The following FLII variants were observed in gnomAD, a reference collection of about 807,000 sequenced individuals.
FLII encodes the protein protein flightless-1 homolog.
In FLII, 101 loss-of-function variants were observed where a neutral mutation model predicts 156.2. That is an observed-to-expected ratio of 0.65 (90% CI 0.55 to 0.76). The LOEUF (loss-of-function observed/expected upper bound fraction) is 0.76, where lower values mean the gene tolerates loss of function less well. FLII is among the 30% of genes least tolerant of loss of function. FLII has a pLI of 0.00. For missense variants in FLII, 1,675 were observed against 1,682.8 expected, an observed-to-expected ratio of 1.00 and a Z score of 0.08; for synonymous variants, 767 against 685.8, an observed-to-expected ratio of 1.12 and a Z score of -1.85.
chr17:18,246,312 T>G lies in FLII; in HGVS notation c.3202A>C (p.Thr1068Pro), dbSNP rs1317450148. 6.2e-7 allele frequency: 1 copy of G among 1,613,708 alleles called. No homozygotes were observed. The highest frequency in any genetic ancestry group is 1.3e-5 in the African/African-American group (1 of 74,918). Reference sequence around the variant, plus strand: ...CGTCCTCCCCCAGCCAGGCACCGGGTGCAGAGGGCGCTGCCGTTGGTGCGG... The same window carrying G: ...CGTCCTCCCCCAGCCAGGCACCGGGGGCAGAGGGCGCTGCCGTTGGTGCGG... ...QIRTNGSALC[T>P]RCIQINTDSS... is the part of the protein sequence containing the mutation. The change falls in exon 24 of 30, where the codon ACC becomes CCC. Residue 1068 changes from threonine (T) to proline (P), a missense_variant. Coordinates refer to ENST00000327031, the MANE Select transcript of FLII (RefSeq NM_002018.4).
intron 4 of FLII, 111 bp from the exon 5 acceptor site, chr17:18,254,965 G>T: frequency 1.8e-6 from 2 of 1,109,838 alleles, no homozygotes; most frequent in Non-Finnish European, 2.7e-6. Flanking sequence ...AGATGAGGGG[G>T]CTTCAGGGCC....
intron 20 of FLII, 30 bp from the exon 21 acceptor site, chr17:18,247,387 G>A (rs1342195759): frequency 1.9e-6 from 3 of 1,572,882 alleles, no homozygotes; most frequent in East Asian, 2.3e-5. Context: ...CTAACCATGA[G>A]GGGTGCGGCA....
In FLII at chr17:18,258,604, C is replaced by T. The variant is rs773392933; in HGVS notation, c.63+24G>A. ...GGAAGAGAAGGCCTGCAGGGAGGCCCGGCACGCGCCCGGCCCGGCTCACCT... is the reference window on the plus strand; with the variant it reads ...GGAAGAGAAGGCCTGCAGGGAGGCCTGGCACGCGCCCGGCCCGGCTCACCT... On this transcript the variant is annotated intron_variant, in intron 1 of 29. Transcript: ENST00000327031. This position sits in a 1 kb window ranked among gnomAD's most constrained non-coding sequence, Gnocchi z 4.2. 2 of 1,547,164 alleles carry T rather than the reference C, an allele frequency of 1.3e-6. No individual in the cohort carries two copies. Among genetic ancestry groups the T allele is most frequent in the South Asian group, 1.2e-5 (1 of 84,538 alleles).
chr17:18,249,548 A>C, intron 14 of FLII, 140 bp from the exon 15 acceptor site: 1 of 677,830 alleles, frequency 1.5e-6, no homozygotes, highest in Non-Finnish European at 2.6e-6. Context: ...CCAGCACTTC[A>C]GGAGTCTGAG....
chr17:18,246,073 T>C lies in FLII; in HGVS notation c.3268-11A>G. The stretch of plus-strand genomic sequence containing the variant: ...ACTCTCAAAGGGAACCTGGGGAGTG[T>C]GCAGGGGTGGGGGTGTTCGCAGCTG... On this transcript the variant is annotated splice_polypyrimidine_tract_variant and intron_variant, in intron 25 of 29. Coordinates refer to ENST00000327031, the MANE Select transcript of FLII (RefSeq NM_002018.4). The C allele has an allele frequency of 6.2e-7, 1 of 1,614,048 alleles. No homozygotes were observed. The highest frequency in any genetic ancestry group is 8.5e-7 in the Non-Finnish European group (1 of 1,179,994).
intron 7 of FLII, 158 bp from the exon 8 acceptor site, chr17:18,253,877 T>TTGTGGAGTGTGGAGA: frequency 1.2e-6 from 1 of 844,844 alleles, no homozygotes; most frequent in Non-Finnish European, 1.8e-6. Flanking sequence ...ACAAACTCCC[T>TTGTGGAGTGTGGAGA]CACATGGGGG....
chr17:18,252,400 T>TGG lies in FLII; in HGVS notation c.1098+70_1098+71dup, dbSNP rs917934855. 7.5e-6 allele frequency: 11 copies of TGG among 1,458,022 alleles called. No homozygotes were observed. In the African/African-American group the frequency reaches 1.5e-4, roughly 20 times the overall value. The allele number at this position is 1,458,022 out of a possible 1,614,324, so 90.3% of individuals were successfully genotyped here. ...GCCACCTCCCTCAGGAGGCCTCTGC[T>TGG]GGGTCCCCCTTGCTCCAGGGCACAC... On this transcript the variant is annotated intron_variant, in intron 10 of 29. Transcript: ENST00000327031.
At chr17:18,247,140 C>G (rs1438932276) in intron 21 of FLII, 29 bp downstream of exon 21, 19 of 1,338,942 alleles carry the variant, frequency 1.4e-5, no homozygotes, top group Admixed American at 4.9e-5. Flanking sequence ...ACCCCCCCCC[C>G]CGCGCCCCGG....
rs1206329714 is a variant in FLII, at chr17:18,248,788, G to A, written c.2018+12C>T. The A allele has an allele frequency of 6.2e-7, 1 of 1,613,854 alleles. No homozygotes were observed. Among genetic ancestry groups the A allele is most frequent in the Non-Finnish European group, 8.5e-7 (1 of 1,179,934 alleles). ...TTTCCTTCACACAAAAGACCCCACGGTGTCCTTGTACCTGGCCTTGGTGGT... is the reference window on the plus strand; with the variant it reads ...TTTCCTTCACACAAAAGACCCCACGATGTCCTTGTACCTGGCCTTGGTGGT... On this transcript the variant is annotated intron_variant, in intron 17 of 29. Coordinates refer to ENST00000327031, the MANE Select transcript of FLII (RefSeq NM_002018.4).
chr17:18,251,603 G>A, intron 12 of FLII, 77 bp downstream of exon 12: 1 of 1,601,116 alleles, frequency 6.2e-7, no homozygotes, highest in Non-Finnish European at 8.5e-7. Flanking sequence ...CGTCCCTCTT[G>A]GCCAGGGTCA....
Position 18,245,598 on chromosome 17 carries a change from T to G in FLII, c.3566A>C (p.Asp1189Ala). 6.2e-7 allele frequency: 1 copy of G among 1,613,910 alleles called. No individual in the cohort carries two copies. Among genetic ancestry groups the G allele is most frequent in the Non-Finnish European group, 8.5e-7 (1 of 1,179,980 alleles). ...CAACATGATGTCATCATCTGCCAGG[T>G]CATCTTGGCAAAAGTCGGAGCATTT... is the stretch of plus-strand genomic sequence containing the variant. Reference protein sequence around the residue: ...TEKCSDFCQDDLADDDIMLLD... With the variant: ...TEKCSDFCQDALADDDIMLLD... Residue 1189 changes from aspartate to alanine, a missense_variant, in exon 28 of 30, where the codon GAC (aspartate) becomes GCC (alanine). Physicochemically the swap from Asp to Ala is moderately radical, Grantham distance 126. Transcript: ENST00000327031.
At chr17:18,249,278 T>G in intron 15 of FLII, 48 bp downstream of exon 15, 2 of 1,611,026 alleles carry the variant, frequency 1.2e-6, no homozygotes, top group Non-Finnish European at 1.7e-6. Flanking sequence ...CTCCACCCCT[T>G]GCCAGCAGAC....
In FLII at chr17:18,250,999, C is replaced by G. The variant is rs770243579; in HGVS notation, c.1615G>C (p.Gly539Arg). 2.5e-6 allele frequency: 4 copies of G among 1,613,434 alleles called. No homozygotes were observed. Among genetic ancestry groups the G allele is most frequent in the African/African-American group, 1.3e-5 (1 of 75,024 alleles). ...TAGTAGATCTCCCAGTTGAGGGAGCCGCTGTCATCCAGAAAGGTCTGGAAG... is the reference window on the plus strand; with the variant it reads ...TAGTAGATCTCCCAGTTGAGGGAGCGGCTGTCATCCAGAAAGGTCTGGAAG... ...IVLKTFLDDSGSLNWEIYYWI... is the reference protein window; with the variant it reads ...IVLKTFLDDSRSLNWEIYYWI... Residue 539 changes from glycine to arginine, a missense_variant, in exon 14 of 30, where the codon GGC (glycine) becomes CGC (arginine). Around this residue, in one of 2 missense-constraint regions of FLII, gnomAD observed 1,332 missense variants for 1,269.3 expected, o/e 1.05. Coordinates refer to ENST00000327031, the MANE Select transcript of FLII (RefSeq NM_002018.4).
rs1436877829 is a variant in FLII at position 18,254,132 on chromosome 17, T to C, written c.626A>G (p.Gln209Arg). ...GGTGGGCAGGTTGCTCTGGGTGCGC[T>C]GGGTGCTCCGCAGGTGCAGGGTCTG... ...ALQTLHLRSTQRTQSNLPTSL... is the reference protein window; with the variant it reads ...ALQTLHLRSTRRTQSNLPTSL... Residue 209 changes from glutamine to arginine, a missense_variant, in exon 7 of 30, where the codon CAG (glutamine) becomes CGG (arginine). Transcript: ENST00000327031. 2 of 1,611,650 alleles carry C rather than the reference T, an allele frequency of 1.2e-6. No individual in the cohort carries two copies. The highest frequency in any genetic ancestry group is 4.5e-5 in the East Asian group (2 of 44,806).
At chr17:18,252,174 A>G (rs1304143838) in intron 10 of FLII, 28 bp from the exon 11 acceptor site, 2 of 1,598,754 alleles carry the variant, frequency 1.3e-6, no homozygotes, top group Admixed American at 1.7e-5. Flanking sequence ...CAGAGCCGGC[A>G]CTGAGCCTGG....
rs2048121861 is a variant in FLII at position 18,247,604 on chromosome 17, C to T, written c.2487+53G>A. ...GGTAGTGAAGCCACAGGGGTCAGGG[C>T]ATGTCAGGGTGCGAAGGATCCTGGG... On this transcript the variant is annotated intron_variant, in intron 20 of 29. Coordinates refer to ENST00000327031, the MANE Select transcript of FLII (RefSeq NM_002018.4). 2.7e-6 allele frequency: 4 copies of T among 1,462,470 alleles called. No homozygotes were observed. In the South Asian group the frequency reaches 4.0e-5, roughly 14 times the overall value. 90.6% of individuals were successfully genotyped at this position (1,462,470 alleles called of 1,614,324 possible).
Position 18,256,919 on chromosome 17 carries a change from A to G in FLII, c.164T>C (p.Leu55Pro). ...CCCAAACCCCCTTACCAGCTTCTGC[A>G]GGGCGGCCAGCTCCTCGGGCAGGTA... Reference protein sequence around the residue: ...LCYLPEELAALQKLEHLSVSH... With the variant: ...LCYLPEELAAPQKLEHLSVSH... Residue 55 changes from leucine (L) to proline (P), a missense_variant, in exon 2 of 30, where the codon CTG (leucine) becomes CCG (proline). Physicochemically the swap from Leu to Pro is moderately conservative, Grantham distance 98. Coordinates refer to ENST00000327031, the MANE Select transcript of FLII (RefSeq NM_002018.4). 6.2e-7 allele frequency: 1 copy of G among 1,606,992 alleles called. No homozygotes were observed. The highest frequency in any genetic ancestry group is 8.5e-7 in the Non-Finnish European group (1 of 1,176,534).
In FLII at chr17:18,246,153, C is replaced by G. The variant is rs2048043719; in HGVS notation, c.3267+9G>C. ...TCCACGGAGTCCTGGCTCACACCCA[C>G]AACCCCACCTTGAGGATGAAGCAGA... On this transcript the variant is annotated intron_variant, in intron 25 of 29. Transcript: ENST00000327031. The G allele has an allele frequency of 1.9e-6, 3 of 1,614,188 alleles. No individual in the cohort carries two copies. In the East Asian group the frequency reaches 6.7e-5, roughly 36 times the overall value.
chr17:18,246,972 C>G lies in FLII; in HGVS notation c.2757G>C (p.Arg919=). The change falls in exon 22 of 30, where the codon CGG becomes CGC. Residue 919 remains arginine (R), a synonymous_variant. Coordinates refer to ENST00000327031, the MANE Select transcript of FLII (RefSeq NM_002018.4). Reference sequence around the variant, plus strand: ...AGTGGCCAAACTCCTCTTCCGGCAGCCGCGCAAACTTCTTGCCCTCCAGCA... The same window carrying G: ...AGTGGCCAAACTCCTCTTCCGGCAGGCGCGCAAACTTCTTGCCCTCCAGCA... ...GFVLEGKKFA[R]LPEEEFGHFY... is the part of the protein sequence containing the mutation. 6.2e-7 allele frequency: 1 copy of G among 1,614,124 alleles called. No individual in the cohort carries two copies. The highest frequency in any genetic ancestry group is 8.5e-7 in the Non-Finnish European group (1 of 1,180,020).
Sources: gnomAD v4.1 joint callset for allele counts on GRCh38, gnomAD v4.1.1 for gene constraint, gnomAD v4.1.1 regional missense constraint, Gnocchi (gnomAD v3.1) non-coding constraint, MANE v1.5 for transcripts, NCBI Gene and HGNC (gene_info 2026-07-23, HGNC 2026-07-21) for gene names.